EPN2: variants seen among roughly 807,000 people sequenced by gnomAD.
EPN2 encodes epsin-2.
In EPN2, 34 loss-of-function variants were observed where a neutral mutation model predicts 61.7. The ratio of observed to expected loss-of-function variants is 0.55; its 90% CI spans 0.42 to 0.73. The LOEUF is 0.73. EPN2 is among the 30% of genes least tolerant of loss of function. EPN2 has a pLI of 0.00. For missense variants in EPN2, 714 were observed against 839.2 expected, an observed-to-expected ratio of 0.85 and a Z score of 1.84; for synonymous variants, 349 against 353.6, an observed-to-expected ratio of 0.99 and a Z score of 0.15.
intron 4 of EPN2, among the ~76,000 whole-genome samples, chr17:19,305,598 C>T (rs1056798409): frequency 6.6e-6 from 1 of 152,198 alleles, no homozygotes; most frequent in Admixed American, 6.5e-5. Flanking sequence ...TCTACCAACT[C>T]GATTGCCTTC....
chr17:19,238,269 C>G (rs57433322), intron 1 of EPN2, among the ~76,000 whole-genome samples: 26,999 of 152,234 alleles, frequency 0.18, 3,098 homozygotes, highest in East Asian at 0.6. Context: ...GGGGTCTGGC[C>G]TCTTCCAGGA....
At chr17:19,312,251 A>G (rs372599432) in intron 6 of EPN2, 107 bp downstream of exon 6, 29 of 785,968 alleles carry the variant, frequency 3.7e-5, no homozygotes, top group South Asian at 1.5e-4. Context: ...GAGTTCTCCA[A>G]CCTCAGCAAA....
At chr17:19,329,007 C>G (rs912399066) in intron 8 of EPN2, 120 bp downstream of exon 8, 11 of 887,682 alleles carry the variant, frequency 1.2e-5, no homozygotes, top group African/African-American at 3.4e-5. Flanking sequence ...CCCTCCTCCC[C>G]CTTAGCCTTT....
At position 19,304,685 on chromosome 17, in the gene EPN2, C is replaced by T. The variant is rs117771467; in HGVS notation, c.767-5200C>T. 8.1e-4 allele frequency among the ~76,000 whole-genome samples: 123 copies of T among 152,348 alleles called. No homozygotes were observed. In the East Asian group the frequency reaches 0.018, roughly 23 times the overall value. On this transcript the variant is annotated intron_variant, in intron 4 of 10. Transcript: ENST00000314728. ...GGTAGGTCAGTTGTTTACCTCCTCC[C>T]ACAGGCCCCACTGTCTTCATTTCAC... is the stretch of plus-strand genomic sequence containing the variant.
intron 7 of EPN2, among the ~76,000 whole-genome samples, chr17:19,320,873 G>T (rs1445613107): frequency 6.6e-6 from 1 of 152,196 alleles, no homozygotes; most frequent in East Asian, 1.9e-4. Flanking sequence ...GTCCCTGCCA[G>T]CCTGAGGTCC....
intron 1 of EPN2, among the ~76,000 whole-genome samples, chr17:19,265,137 A>T (rs1309170949): frequency 6.6e-6 from 1 of 152,138 alleles, no homozygotes; most frequent in Non-Finnish European, 1.5e-5. Context: ...TCACACTTAC[A>T]ATCTCAGCAC....
chr17:19,285,902 G>A lies in EPN2; in HGVS notation c.766+112G>A, dbSNP rs971795840. ...CTCCCTGTCTCCTCTGGGCCTGGGG[G>A]TTTGGCCTCCAGCAGGCCCAGGAGC... is the stretch of plus-strand genomic sequence containing the variant. On this transcript the variant is annotated intron_variant, in intron 4 of 10. Transcript: ENST00000314728. This position sits in a 1 kb window ranked among gnomAD's most constrained non-coding sequence, Gnocchi z 4.5. The A allele has an allele frequency of 4.3e-6, 6 of 1,402,742 alleles. No individual in the cohort carries two copies. In the African/African-American group the frequency reaches 5.9e-5, roughly 14 times the overall value. The allele number at this position is 1,402,742 out of a possible 1,614,324, so 86.9% of individuals were successfully genotyped here. A position where few individuals can be genotyped will look rare whatever the true frequency, so the allele number is the denominator to read the frequency against.
At chr17:19,296,752 G>A (rs1448068071) in intron 4 of EPN2, 1 of 152,126 alleles carries the variant, frequency 6.6e-6, no homozygotes, top group African/African-American at 2.4e-5. Context: ...GGAAGTACAG[G>A]CGCACACCAC....
chr17:19,256,996 G>C (rs891964127), intron 1 of EPN2, among the ~76,000 whole-genome samples: 2 of 152,104 alleles, frequency 1.3e-5, no homozygotes, highest in Non-Finnish European at 2.9e-5. Flanking sequence ...AATTACAAAA[G>C]AAAACACAGA....
At chr17:19,297,612 G>C (rs1302798278) in intron 4 of EPN2, among the ~76,000 whole-genome samples, 1 of 152,124 alleles carries the variant, frequency 6.6e-6, no homozygotes, top group African/African-American at 2.4e-5. Flanking sequence ...TGGTGTTCAG[G>C]CAGGCAGTGC....
intron 1 of EPN2, among the ~76,000 whole-genome samples, chr17:19,279,169 A>G (rs1413108398): frequency 3.3e-5 from 5 of 152,246 alleles, no homozygotes; most frequent in Non-Finnish European, 5.9e-5. Flanking sequence ...GCCTTGGTCA[A>G]CAGCCCCTGT....
At chr17:19,246,556 T>C (rs1350863983) in intron 1 of EPN2, among the ~76,000 whole-genome samples, 1 of 152,092 alleles carries the variant, frequency 6.6e-6, no homozygotes, top group Non-Finnish European at 1.5e-5. Context: ...TGTTGGTGCT[T>C]GCCCTGCACT....
At position 19,335,574 on chromosome 17, in the gene EPN2, T is replaced by C; in HGVS notation, c.*1320T>C. Reference sequence around the variant, plus strand: ...GAGGGCGTGGGGTGGGGGGTGCTTCTGTGCCCACGGGTCCCTGGGCAACAG... The same window carrying C: ...GAGGGCGTGGGGTGGGGGGTGCTTCCGTGCCCACGGGTCCCTGGGCAACAG... On this transcript the variant is annotated 3_prime_UTR_variant, in exon 11 of 11. Coordinates refer to ENST00000314728, the MANE Select transcript of EPN2 (RefSeq NM_014964.5). 8.9e-7 allele frequency: 1 copy of C among 1,129,858 alleles called. No individual in the cohort carries two copies. 70.0% of individuals were successfully genotyped at this position (1,129,858 alleles called of 1,614,324 possible). A position where few individuals can be genotyped will look rare whatever the true frequency, so the allele number is the denominator to read the frequency against.
intron 6 of EPN2, 126 bp from the exon 7 acceptor site, chr17:19,312,979 C>A: frequency 1.0e-6 from 1 of 970,946 alleles, no homozygotes; most frequent in Non-Finnish European, 1.5e-6. Flanking sequence ...CCAAGTTCTT[C>A]TCAGCCCCTC....
At chr17:19,313,363 C>G in intron 7 of EPN2, 84 bp downstream of exon 7, 4 of 1,344,960 alleles carry the variant, frequency 3.0e-6, no homozygotes, top group Non-Finnish European at 4.0e-6. Context: ...CTCTCACCCA[C>G]TTGGGTCTGG....
chr17:19,290,716 G>A (rs1567350), intron 4 of EPN2, among the ~76,000 whole-genome samples: 96,708 of 118,342 alleles, frequency 0.82, 39,370 homozygotes, highest in Non-Finnish European at 0.86. Context: ...AAAAAAAAAA[G>A]AAAAAAAAAG....
intron 4 of EPN2, among the ~76,000 whole-genome samples, chr17:19,296,275 C>G (rs981021738): frequency 4.6e-5 from 7 of 151,964 alleles, no homozygotes; most frequent in Non-Finnish European, 1.0e-4. Flanking sequence ...CTCAGCCTCC[C>G]GAGTAGCTGG....
intron 4 of EPN2, among the ~76,000 whole-genome samples, chr17:19,307,342 G>T (rs921678865): frequency 1.3e-5 from 2 of 151,446 alleles, no homozygotes. Flanking sequence ...ATGGAGTCTC[G>T]CTCTGTCACC....
At chr17:19,304,487 C>T (rs1018496645) in intron 4 of EPN2, among the ~76,000 whole-genome samples, 8 of 152,308 alleles carry the variant, frequency 5.3e-5, no homozygotes, top group Middle Eastern at 3.4e-3. Context: ...GCCTGTTCCT[C>T]GGAGGCCTGG....
Sources: allele counts gnomAD v4.1 joint callset (sites outside exome capture counted in the v4.1 genomes callset), GRCh38; gene constraint gnomAD v4.1.1; non-coding constraint Gnocchi (gnomAD v3.1); transcripts MANE v1.5; gene names NCBI Gene and HGNC (gene_info 2026-07-23, HGNC 2026-07-21).